Variants in FAM107A observed in about 807,000 individuals in gnomAD.
FAM107A encodes the protein actin-associated protein FAM107A.
A neutral mutation model predicts 13.7 loss-of-function variants in FAM107A; 19 were observed. That is an observed-to-expected ratio of 1.38 (90% CI 0.97 to 2.03). The LOEUF (loss-of-function observed/expected upper bound fraction) is 2.03. Among genes scored for constraint, FAM107A ranks in the 30% most tolerant of loss-of-function variants. The pLI is 0.00. For missense variants in FAM107A, 203 were observed against 184.4 expected, an observed-to-expected ratio of 1.10 and a Z score of -0.58; for synonymous variants, 82 against 74.5, an observed-to-expected ratio of 1.10 and a Z score of -0.52.
At position 58,617,101 on chromosome 3, in the gene FAM107A, T is replaced by C. The variant is rs9820457; in HGVS notation, c.-70+10315A>G. Among the ~76,000 whole-genome samples the C allele has an allele frequency of 0.39, 59,296 of 152,062 alleles. 11,825 individuals are homozygous for C. Among genetic ancestry groups the C allele is most frequent in the Non-Finnish European group, 0.43 (29,313 of 67,948 alleles). Reference sequence around the variant, plus strand: ...CTACCCAGTTTCTGATCGTTTGTTATGGCCGCCCCAGGAAACTCCTGTGTC... The same window carrying C: ...CTACCCAGTTTCTGATCGTTTGTTACGGCCGCCCCAGGAAACTCCTGTGTC... On this transcript the variant is annotated intron_variant, in intron 1 of 3. Coordinates refer to the FAM107A transcript ENST00000465970. This position sits in a 1 kb window ranked among gnomAD's most constrained non-coding sequence, Gnocchi z 4.5.
chr3:58,568,238 T>C (rs1467527225), intron 2 of FAM107A, among the ~76,000 whole-genome samples: 1 of 152,086 alleles, frequency 6.6e-6, no homozygotes, highest in African/African-American at 2.4e-5. Flanking sequence ...ACCGAGACCA[T>C]CCTGGCTAAC....
intron 1 of FAM107A, among the ~76,000 whole-genome samples, chr3:58,606,728 G>A (rs1191316408): frequency 1.3e-5 from 2 of 152,248 alleles, no homozygotes; most frequent in South Asian, 2.1e-4. Context: ...ACAGAGTACA[G>A]GCTAAAGTTT....
At position 58,617,943 on chromosome 3, in the gene FAM107A, G is replaced by A. The variant is rs555369080; in HGVS notation, c.-70+9473C>T. ...TGGAGCCAGAAGTATCCAAGTTCAA[G>A]TCCCAGCTCTGGCACTTGTTGGCTC... is the stretch of plus-strand genomic sequence containing the variant. On this transcript the variant is annotated intron_variant, in intron 1 of 3. Transcript: ENST00000465970. The surrounding 1 kb of genome is among the most constrained non-coding windows in gnomAD (Gnocchi z 4.5). 6.6e-6 allele frequency among the ~76,000 whole-genome samples: 1 copy of A among 152,314 alleles called. No individual in the cohort carries two copies. The highest frequency in any genetic ancestry group is 1.9e-4 in the East Asian group (1 of 5,186).
upstream of FAM107A, among the ~76,000 whole-genome samples, chr3:58,579,370 T>A (rs1018763251): frequency 1.3e-5 from 2 of 151,918 alleles, no homozygotes; most frequent in African/African-American, 4.8e-5. Context: ...ACTAAGAGGG[T>A]CCTAAATTCT....
chr3:58,592,187 A>C (rs975819838), intron 1 of FAM107A, among the ~76,000 whole-genome samples: 4 of 152,192 alleles, frequency 2.6e-5, no homozygotes, highest in Admixed American at 2.6e-4. Flanking sequence ...CTGTGGAAGA[A>C]AATTTCAAGA....
upstream of FAM107A, among the ~76,000 whole-genome samples, chr3:58,582,556 C>A (rs1366425278): frequency 6.6e-6 from 1 of 152,184 alleles, no homozygotes; most frequent in Non-Finnish European, 1.5e-5. Context: ...CAGAGGTGAC[C>A]CTTCTAGCCC....
At chr3:58,610,380 G>C (rs954539050) in intron 1 of FAM107A, among the ~76,000 whole-genome samples, 3 of 152,182 alleles carry the variant, frequency 2.0e-5, no homozygotes, top group East Asian at 3.8e-4. Flanking sequence ...CAGGGATGAC[G>C]AAGGCCCTGC....
intron 1 of FAM107A, among the ~76,000 whole-genome samples, chr3:58,624,020 G>A (rs138348774): frequency 6.6e-6 from 1 of 152,300 alleles, no homozygotes; most frequent in East Asian, 1.9e-4. Flanking sequence ...GTGGAGGACG[G>A]CGTGCCCACA....
chr3:58,577,883 G>A (rs146817683), upstream of FAM107A: 96 of 206,998 alleles, frequency 4.6e-4, no homozygotes, highest in Admixed American at 3.1e-3. This position sits in a 1 kb window ranked among gnomAD's most constrained non-coding sequence, Gnocchi z 4.9. Flanking sequence ...CAGAAACTCC[G>A]TACACAGCGT....
chr3:58,608,956 C>A (rs553843002), intron 1 of FAM107A: 1 of 152,312 alleles, frequency 6.6e-6, no homozygotes, highest in East Asian at 1.9e-4. Flanking sequence ...GCTTTGCATG[C>A]ATCTCTTTCC....
At chr3:58,598,050 A>C (rs1367346165) in intron 1 of FAM107A, among the ~76,000 whole-genome samples, 2 of 152,188 alleles carry the variant, frequency 1.3e-5, no homozygotes, top group Non-Finnish European at 2.9e-5. Context: ...TATGTAATGC[A>C]GAGCCCTGGC....
At chr3:58,620,561 A>G (rs1310857861) in intron 1 of FAM107A, among the ~76,000 whole-genome samples, 2 of 152,258 alleles carry the variant, frequency 1.3e-5, no homozygotes, top group South Asian at 2.1e-4. Context: ...GCTTCCAGCC[A>G]TAAGACAGGA....
intron 1 of FAM107A, among the ~76,000 whole-genome samples, chr3:58,593,303 C>T (rs2065669494): frequency 6.6e-6 from 1 of 152,154 alleles, no homozygotes; most frequent in Non-Finnish European, 1.5e-5. Context: ...CTACTTTTTG[C>T]AACAGGGCTT....
chr3:58,569,453 G>A lies in FAM107A; in HGVS notation c.170+238C>T, dbSNP rs2063658202. 1.3e-5 allele frequency among the ~76,000 whole-genome samples: 2 copies of A among 152,202 alleles called. No homozygotes were observed. Among genetic ancestry groups the A allele is most frequent in the South Asian group, 4.1e-4 (2 of 4,826 alleles). ...CTCAGTAAATGTATCTGGAGTGTGGGCATGAAATGGGTGGCTGGGCAAGAG... is the reference window on the plus strand; with the variant it reads ...CTCAGTAAATGTATCTGGAGTGTGGACATGAAATGGGTGGCTGGGCAAGAG... On this transcript the variant is annotated intron_variant, in intron 2 of 3. Coordinates refer to ENST00000360997, the MANE Select transcript of FAM107A (RefSeq NM_001076778.3). This position sits in a 1 kb window ranked among gnomAD's most constrained non-coding sequence, Gnocchi z 5.7.
At chr3:58,571,550 T>TA (rs2063684033) in intron 1 of FAM107A, among the ~76,000 whole-genome samples, 1 of 152,220 alleles carries the variant, frequency 6.6e-6, no homozygotes, top group Non-Finnish European at 1.5e-5. Context: ...AGAGTTACTT[T>TA]AAAATGGGCA....
rs1298883774 is a variant in FAM107A, at chr3:58,566,303, C to T, written c.*285G>A. 3 of 361,422 alleles carry T rather than the reference C, an allele frequency of 8.3e-6. No individual in the cohort carries two copies. The highest frequency in any genetic ancestry group is 1.5e-5 in the Non-Finnish European group (3 of 202,318). 22.4% of individuals were successfully genotyped at this position (361,422 alleles called of 1,614,324 possible). On this transcript the variant is annotated 3_prime_UTR_variant, in exon 4 of 4. Coordinates refer to ENST00000360997, the MANE Select transcript of FAM107A (RefSeq NM_001076778.3). ...GAGGGCCACCTCTTCCTCCTCAATT[C>T]TGCCAGAGAAAGCTCCTGTGCTGGG...
chr3:58,617,369 A>G lies in FAM107A; in HGVS notation c.-70+10047T>C, dbSNP rs892984104. 6.6e-6 allele frequency among the ~76,000 whole-genome samples: 1 copy of G among 152,104 alleles called. No homozygotes were observed. The highest frequency in any genetic ancestry group is 6.5e-5 in the Admixed American group (1 of 15,274). On this transcript the variant is annotated intron_variant, in intron 1 of 3. Transcript: ENST00000465970. This position sits in a 1 kb window ranked among gnomAD's most constrained non-coding sequence, Gnocchi z 4.5. ...AGCTCCTGCAGGTTCTAGGTGTGAC[A>G]TCATCCCTATGGGACACCTCAGGCC...
At chr3:58,591,772 C>G (rs1189191640), upstream of FAM107A, among the ~76,000 whole-genome samples, 1 of 152,208 alleles carries the variant, frequency 6.6e-6, no homozygotes, top group Non-Finnish European at 1.5e-5. The surrounding 1 kb of genome is among the most constrained non-coding windows in gnomAD (Gnocchi z 4.3). Flanking sequence ...GCTTCCTTCA[C>G]CATACTGTAC....
Position 58,566,603 on chromosome 3 carries a change from T to G in FAM107A, c.420A>C (p.Glu140Asp). 6.2e-7 allele frequency: 1 copy of G among 1,613,574 alleles called. No homozygotes were observed. ...NLRRIATLTS[E>D]EREL ...GCAGCTGGCCCTACAGCTCTCTCTC[T>G]TCGCTGGTCAGTGTGGCAATTCTCC... The change falls in exon 4 of 4, where the codon GAA (glutamate) becomes GAC (aspartate). Residue 140 changes from glutamate to aspartate, a missense_variant. By Grantham distance (45) the Glu-to-Asp change is conservative. Coordinates refer to ENST00000360997, the MANE Select transcript of FAM107A (RefSeq NM_001076778.3).
Sources: allele counts gnomAD v4.1 joint callset (sites outside exome capture counted in the v4.1 genomes callset), GRCh38; gene constraint gnomAD v4.1.1; non-coding constraint Gnocchi (gnomAD v3.1); transcripts MANE v1.5; gene names NCBI Gene and HGNC (gene_info 2026-07-23, HGNC 2026-07-21).